Variants in ADAMTS10 observed in about 807,000 individuals in gnomAD.
The protein encoded by ADAMTS10 is A disintegrin and metalloproteinase with thrombospondin motifs 10.
ADAMTS10 carries 48 observed loss-of-function variants against 135.9 expected under a neutral mutation model. The observed-to-expected ratio is 0.35, with a 90% CI of 0.28 to 0.45. The LOEUF (loss-of-function observed/expected upper bound fraction) is 0.45. ADAMTS10 is among the 20% of genes least tolerant of loss of function. ADAMTS10 has a pLI of 1.00. For missense variants in ADAMTS10, 1,131 were observed against 1,565.2 expected (o/e 0.72, Z 4.68); for synonymous variants, 621 against 647.5 (o/e 0.96, Z 0.62).
Position 8,584,865 on chromosome 19 carries a change from C to CT in ADAMTS10, c.3202+29dup, listed in dbSNP as rs1600093108. Reference sequence around the variant, plus strand: ...GTGGCTGCCTCTGGCCAGGACCCTCCTGGCGCACCCTGGCTGGTCACCCAC... The same window carrying CT: ...GTGGCTGCCTCTGGCCAGGACCCTCCTTGGCGCACCCTGGCTGGTCACCCAC... On this transcript the variant is annotated intron_variant, in intron 25 of 25. Coordinates refer to ENST00000597188, the MANE Select transcript of ADAMTS10 (RefSeq NM_030957.4). The CT allele has an allele frequency of 3.9e-6, 6 of 1,548,058 alleles. No individual in the cohort carries two copies. The East Asian group carries it at 1.5e-4, about 38-fold the overall frequency.
At chr19:8,591,383 G>GGCTGCAGGTTCCCCA (rs1453212218) in intron 15 of ADAMTS10, among the ~76,000 whole-genome samples, 2 of 151,862 alleles carry the variant, frequency 1.3e-5, no homozygotes, top group Non-Finnish European at 2.9e-5. Flanking sequence ...GAGGGGTGGC[G>GGCTGCAGGTTCCCCA]GCTGCAGGTT....
rs782085654 is a variant in ADAMTS10 at position 8,589,899 on chromosome 19, C to T, written c.1890G>A (p.Thr630=). 26 of 1,613,706 alleles carry T rather than the reference C, an allele frequency of 1.6e-5. No individual in the cohort carries two copies. Among genetic ancestry groups the T allele is most frequent in the African/African-American group, 1.1e-4 (8 of 74,912 alleles). Residue 630 remains threonine (T), a synonymous_variant, in exon 16 of 26, where the codon ACG becomes ACA. Transcript: ENST00000597188. ...GAGTCCCACACTCACCTCCCCGGTA[C>T]GTTTTCCACTTGTAGAATTTCCCAC... ...PFRGKFYKWK[T]YRGGGVKACS...
chr19:8,600,741 G>A (rs939192662), intron 6 of ADAMTS10, among the ~76,000 whole-genome samples, 187 bp downstream of exon 6: 9 of 151,824 alleles, frequency 5.9e-5, no homozygotes, highest in Non-Finnish European at 8.8e-5. Flanking sequence ...CTTGTGATCT[G>A]CCCGCCTTGG....
chr19:8,598,732 G>C (rs148278406), intron 6 of ADAMTS10, among the ~76,000 whole-genome samples: 1 of 151,674 alleles, frequency 6.6e-6, no homozygotes, highest in Non-Finnish European at 1.5e-5. Context: ...CCGCCACCAC[G>C]CCCAGCTGAT....
chr19:8,599,725 T>C (rs1299430097), intron 6 of ADAMTS10, among the ~76,000 whole-genome samples: 2 of 152,196 alleles, frequency 1.3e-5, no homozygotes, highest in Non-Finnish European at 2.9e-5. Flanking sequence ...TCCTCCTGCC[T>C]CAGCTTCCTG....
At chr19:8,591,442 GTT>G (rs375476762) in intron 15 of ADAMTS10, among the ~76,000 whole-genome samples, 2 of 130,378 alleles carry the variant, frequency 1.5e-5, no homozygotes, top group Non-Finnish European at 3.3e-5. Context: ...TAGCGTTTTT[GTT>G]TTTTTTTTTT....
rs2146079810 is a variant in ADAMTS10 at position 8,595,914 on chromosome 19, A to G, written c.1338-11T>C. 6.2e-7 allele frequency: 1 copy of G among 1,614,168 alleles called. No homozygotes were observed. The highest frequency in any genetic ancestry group is 1.1e-5 in the South Asian group (1 of 91,084). On this transcript the variant is annotated splice_polypyrimidine_tract_variant and intron_variant, in intron 11 of 25. Transcript: ENST00000597188. ...AGCCCCAGGCCCGAGCTGCCTCGAG[A>G]GAAAAGCAACTGTCATGCTAGGTGG...
rs529464980 is a variant in ADAMTS10, at chr19:8,607,107, G to C, written c.-100+1027C>G. Among the ~76,000 whole-genome samples the C allele has an allele frequency of 3.9e-5, 6 of 152,190 alleles. No individual in the cohort carries two copies. In the East Asian group the frequency reaches 9.7e-4, roughly 25 times the overall value. On this transcript the variant is annotated intron_variant, in intron 2 of 25. Coordinates refer to ENST00000597188, the MANE Select transcript of ADAMTS10 (RefSeq NM_030957.4). ...TGGCATCAGAGGCACTTGAAGGGGG[G>C]GCTGGTCGGTGTGAATTTTCAAGCC...
At chr19:8,604,440 CAT>C (rs1378633474) in intron 4 of ADAMTS10, among the ~76,000 whole-genome samples, 2 of 146,594 alleles carry the variant, frequency 1.4e-5, no homozygotes, top group East Asian at 3.9e-4. Context: ...TACACATACA[CAT>C]ATATAATTAT....
At chr19:8,609,296 G>A (rs576769823) in intron 1 of ADAMTS10, among the ~76,000 whole-genome samples, 4 of 150,020 alleles carry the variant, frequency 2.7e-5, no homozygotes, top group African/African-American at 9.8e-5. Context: ...CCTCCTCCCC[G>A]AAGGCAGGAG....
rs782102342 is a variant in ADAMTS10, at chr19:8,585,564, C to T, written c.2757G>A (p.Glu919=). Residue 919 remains glutamate, a synonymous_variant, in exon 23 of 26, where the codon GAG becomes GAA. Coordinates refer to ENST00000597188, the MANE Select transcript of ADAMTS10 (RefSeq NM_030957.4). ...ATGCGCTGTCGTCCAGCGCCTTCTC[C>T]TCCGCGGCAGAGACGCGGCGCTGGC... ...VVCQRRVSAA[E]EKALDDSACP... The T allele has an allele frequency of 1.2e-6, 2 of 1,602,648 alleles. No individual in the cohort carries two copies. The highest frequency in any genetic ancestry group is 1.7e-6 in the Non-Finnish European group (2 of 1,175,290).
chr19:8,604,022 G>C, intron 4 of ADAMTS10, 138 bp from the exon 5 acceptor site: 8 of 797,624 alleles, frequency 1.0e-5, no homozygotes, highest in Non-Finnish European at 1.5e-5. Flanking sequence ...TTTGGCATAG[G>C]TAATTAGTGT....
At chr19:8,591,372 A>T (rs2042523319) in intron 15 of ADAMTS10, among the ~76,000 whole-genome samples, 1 of 148,112 alleles carries the variant, frequency 6.8e-6, no homozygotes. Flanking sequence ...AGGAGGGAAG[A>T]GAGGGGTGGC....
chr19:8,604,951 G>C lies in ADAMTS10; in HGVS notation c.435+61C>G, dbSNP rs2042702823. On this transcript the variant is annotated intron_variant, in intron 4 of 25. Transcript: ENST00000597188. ...CCTTCTCTGCCCTCTATGTAGAAGTGTTTTTCTTAACTTCCAAACTTATGG... is the reference window on the plus strand; with the variant it reads ...CCTTCTCTGCCCTCTATGTAGAAGTCTTTTTCTTAACTTCCAAACTTATGG... The C allele has an allele frequency of 2.7e-5, 40 of 1,508,604 alleles. No homozygotes were observed. In the South Asian group the frequency reaches 4.8e-4, roughly 18 times the overall value. 93.5% of individuals were successfully genotyped at this position (1,508,604 alleles called of 1,614,324 possible).
Position 8,589,348 on chromosome 19 carries a change from T to G in ADAMTS10, c.2052A>C (p.Arg684=), listed in dbSNP as rs1555738203. ...CCTCCCGCAGGTCGGAGCCCAGGAC[T>G]CGGTCGCAGCCCACGTGCTGCGTGG... The part of the protein sequence containing the change: ...SGECKHVGCD[R]VLGSDLREDK... The change falls in exon 18 of 26, where the codon CGA becomes CGC. Residue 684 remains arginine, a synonymous_variant. Transcript: ENST00000597188. 3 of 1,612,274 alleles carry G rather than the reference T, an allele frequency of 1.9e-6. No individual in the cohort carries two copies. In the South Asian group the frequency reaches 3.3e-5, roughly 18 times the overall value.
intron 2 of ADAMTS10, among the ~76,000 whole-genome samples, chr19:8,606,514 G>A (rs2042724010): frequency 6.6e-6 from 1 of 152,070 alleles, no homozygotes; most frequent in Admixed American, 6.6e-5. Flanking sequence ...TGATTCTCCC[G>A]CCTCAGCCTC....
rs2042717761 is a variant in ADAMTS10, at chr19:8,605,948, C to T, written c.-99-139G>A. The T allele has an allele frequency of 3.7e-6, 3 of 803,224 alleles. No homozygotes were observed. Among genetic ancestry groups the T allele is most frequent in the Non-Finnish European group, 5.7e-6 (3 of 525,734 alleles). The allele number at this position is 803,224 out of a possible 1,614,324, so 49.8% of individuals were successfully genotyped here. On this transcript the variant is annotated intron_variant, in intron 2 of 25. Coordinates refer to ENST00000597188, the MANE Select transcript of ADAMTS10 (RefSeq NM_030957.4). This position sits in a 1 kb window ranked among gnomAD's most constrained non-coding sequence, Gnocchi z 7.7. Reference sequence around the variant, plus strand: ...TTTCTCACTCAGTCACTCCCCTCTCCCCACCTCCCCTTCCAATCCTTCCTA... The same window carrying T: ...TTTCTCACTCAGTCACTCCCCTCTCTCCACCTCCCCTTCCAATCCTTCCTA...
rs782724678 is a variant in ADAMTS10, at chr19:8,592,010, G to A, written c.1681C>T (p.Arg561Trp). The A allele has an allele frequency of 1.2e-6, 2 of 1,613,718 alleles. No individual in the cohort carries two copies. The highest frequency in any genetic ancestry group is 1.1e-5 in the South Asian group (1 of 91,066). ...GAGGACACGCCGCCGCCACAGGTCC[G>A]GCTGCAGTCGCCCCATGGAGTCCAC... is the stretch of plus-strand genomic sequence containing the variant. ...GPWTPWGDCS[R>W]TCGGGVSSSS... Residue 561 changes from arginine (R) to tryptophan (W), a missense_variant, in exon 14 of 26, where the codon CGG becomes TGG. Physicochemically the swap from Arg to Trp is moderately radical, Grantham distance 101. This residue lies in a region of ADAMTS10 where 745 missense variants were observed against 1,056.3 expected (regional missense o/e 0.71). Transcript: ENST00000597188.
intron 15 of ADAMTS10, among the ~76,000 whole-genome samples, chr19:8,591,207 G>C (rs548475228): frequency 6.6e-6 from 1 of 152,210 alleles, no homozygotes; most frequent in East Asian, 1.9e-4. Context: ...GCTGTAAAGG[G>C]AGGGGAGAGA....
Sources: allele counts gnomAD v4.1 joint callset (sites outside exome capture counted in the v4.1 genomes callset), GRCh38; gene constraint gnomAD v4.1.1; regional missense constraint gnomAD v4.1.1; non-coding constraint Gnocchi (gnomAD v3.1); transcripts MANE v1.5; gene names NCBI Gene and HGNC (gene_info 2026-07-23, HGNC 2026-07-21).